The following RAB40C variants were observed in gnomAD, a reference collection of about 807,000 sequenced individuals.
The protein encoded by RAB40C is ras-related protein Rab-40C.
In RAB40C, 8 loss-of-function variants were observed where a neutral mutation model predicts 28.1. The observed-to-expected ratio is 0.28, with a 90% CI of 0.17 to 0.51. RAB40C has a LOEUF of 0.51. Among genes scored for constraint, RAB40C ranks in the 20% least tolerant of loss-of-function variants. The pLI is 0.97. For missense variants in RAB40C, 288 were observed against 405.9 expected (o/e 0.71, Z 2.50); for synonymous variants, 201 against 171.7 (o/e 1.17, Z -1.34).
At chr16:615,331 C>T (rs1365422879) in intron 1 of RAB40C, among the ~76,000 whole-genome samples, 2 of 152,220 alleles carry the variant, frequency 1.3e-5, no homozygotes, top group African/African-American at 2.4e-5. Flanking sequence ...GCATGGCTGG[C>T]TTGCAGGGCT....
chr16:619,519 T>C (rs1345854094), intron 3 of RAB40C, among the ~76,000 whole-genome samples: 1 of 152,194 alleles, frequency 6.6e-6, no homozygotes, highest in African/African-American at 2.4e-5. Context: ...GTGAAGCCCA[T>C]GTAAACAGAC....
intron 1 of RAB40C, among the ~76,000 whole-genome samples, chr16:600,510 T>C (rs2036227413): frequency 6.6e-6 from 1 of 152,214 alleles, no homozygotes; most frequent in Non-Finnish European, 1.5e-5. Context: ...CCCAGCACTT[T>C]GGGAGGCCGA....
At chr16:591,350 A>G (rs1288105004) in intron 1 of RAB40C, among the ~76,000 whole-genome samples, 1 of 151,478 alleles carries the variant, frequency 6.6e-6, no homozygotes, top group African/African-American at 2.4e-5. Flanking sequence ...GGAAGGTGTT[A>G]TAGATCTGGG....
intron 1 of RAB40C, among the ~76,000 whole-genome samples, chr16:596,896 C>T (rs1175111264): frequency 6.6e-6 from 1 of 152,162 alleles, no homozygotes; most frequent in Non-Finnish European, 1.5e-5. Context: ...CTGGGGATGG[C>T]GGCGCACTCT....
intron 3 of RAB40C, among the ~76,000 whole-genome samples, chr16:619,754 G>C (rs1457517307): frequency 6.6e-6 from 1 of 152,214 alleles, no homozygotes; most frequent in Admixed American, 6.5e-5. Flanking sequence ...GCTCAGGTGG[G>C]TCCGCTCTGG....
chr16:605,013 A>T (rs540050983), intron 1 of RAB40C, among the ~76,000 whole-genome samples: 2 of 152,196 alleles, frequency 1.3e-5, no homozygotes, highest in Admixed American at 6.5e-5. Flanking sequence ...AGCTGAGATC[A>T]TGCCACTGCA....
At chr16:602,268 GT>G (rs1438006292) in intron 1 of RAB40C, among the ~76,000 whole-genome samples, 57 of 136,510 alleles carry the variant, frequency 4.2e-4, no homozygotes, top group Admixed American at 2.1e-3. Context: ...TTTTGGTTTT[GT>G]TTTTTTTTAT....
At position 628,344 on chromosome 16, in the gene RAB40C, G is replaced by C. The variant is rs2036885025; in HGVS notation, c.*722G>C. On this transcript the variant is annotated 3_prime_UTR_variant, in exon 6 of 6. Coordinates refer to ENST00000248139, the MANE Select transcript of RAB40C (RefSeq NM_021168.5). ...CCTGCTGTGATGTGACACCTTCGGG[G>C]ACATTGACCACTCAAAACTCAGATC... The C allele has an allele frequency of 6.6e-6, 1 of 152,300 alleles. No homozygotes were observed. Among genetic ancestry groups the C allele is most frequent in the Non-Finnish European group, 1.5e-5 (1 of 68,082 alleles). 9.4% of individuals were successfully genotyped at this position (152,300 alleles called of 1,614,324 possible). A position where few individuals can be genotyped will look rare whatever the true frequency, so the allele number is the denominator to read the frequency against.
At chr16:591,163 G>T (rs570968021) in intron 1 of RAB40C, among the ~76,000 whole-genome samples, 2 of 147,382 alleles carry the variant, frequency 1.4e-5, no homozygotes, top group Non-Finnish European at 3.0e-5. Flanking sequence ...CATGGGTCTG[G>T]GATCTCAGGG....
At chr16:595,327 C>T (rs1047604267) in intron 1 of RAB40C, among the ~76,000 whole-genome samples, 2 of 152,168 alleles carry the variant, frequency 1.3e-5, no homozygotes, top group Non-Finnish European at 2.9e-5. Context: ...GCTCAGGAGG[C>T]GGCAGCTGTA....
chr16:593,135 G>T (rs888898360), intron 1 of RAB40C, among the ~76,000 whole-genome samples: 40 of 152,340 alleles, frequency 2.6e-4, no homozygotes, highest in Admixed American at 8.5e-4. Context: ...TGTGTCTAAG[G>T]TCTCAAGGTT....
chr16:608,731 G>A (rs1377125377), intron 1 of RAB40C, among the ~76,000 whole-genome samples: 1 of 152,174 alleles, frequency 6.6e-6, no homozygotes, highest in Non-Finnish European at 1.5e-5. Context: ...AAATTAGCTG[G>A]GCATGGTGGC....
At position 627,633 on chromosome 16, in the gene RAB40C, C is replaced by T. The variant is rs755167831; in HGVS notation, c.*11C>T. ...TGCAAGATCTCCTAGCGGGGATGGG[C>T]GGGGCCGCCTGTGCAGATGCCAGGA... On this transcript the variant is annotated 3_prime_UTR_variant, in exon 6 of 6. Coordinates refer to ENST00000248139, the MANE Select transcript of RAB40C (RefSeq NM_021168.5). The T allele has an allele frequency of 2.0e-5, 31 of 1,561,216 alleles. No homozygotes were observed. Among genetic ancestry groups the T allele is most frequent in the African/African-American group, 1.8e-4 (13 of 73,938 alleles).
chr16:619,140 T>C (rs1324107427), intron 3 of RAB40C, among the ~76,000 whole-genome samples: 9 of 147,984 alleles, frequency 6.1e-5, no homozygotes, highest in Admixed American at 2.7e-4. Flanking sequence ...GTGCAGTGTG[T>C]GCTCAGGTGT....
chr16:620,298 C>T (rs948292343), intron 3 of RAB40C, among the ~76,000 whole-genome samples: 3 of 151,892 alleles, frequency 2.0e-5, no homozygotes, highest in Admixed American at 6.6e-5. Context: ...GAGGCTGAGG[C>T]AGGAGAATCG....
intron 1 of RAB40C, among the ~76,000 whole-genome samples, chr16:611,270 A>C (rs1247831293): frequency 6.6e-6 from 1 of 152,152 alleles, no homozygotes; most frequent in Non-Finnish European, 1.5e-5. Context: ...CCATGGCGCC[A>C]TCTAGGGGTG....
intron 1 of RAB40C, among the ~76,000 whole-genome samples, chr16:607,686 G>A (rs2036391211): frequency 6.6e-6 from 1 of 152,298 alleles, no homozygotes; most frequent in South Asian, 2.1e-4. Flanking sequence ...AGCTACTCGG[G>A]AGGCTGAGGC....
chr16:599,697 C>A, intron 1 of RAB40C, among the ~76,000 whole-genome samples: 1 of 135,384 alleles, frequency 7.4e-6, no homozygotes, highest in Admixed American at 8.0e-5. Context: ...CGTGGATTCG[C>A]AAGGTTTTGT....
intron 2 of RAB40C, 139 bp downstream of exon 2, chr16:617,407 T>C (rs1048538556): frequency 1.0e-5 from 10 of 1,003,192 alleles, no homozygotes; most frequent in African/African-American, 8.0e-5. Flanking sequence ...TGTTTAAACA[T>C]AGAATGGATT....
Sources: gnomAD v4.1 joint callset for allele counts (sites outside exome capture counted in the v4.1 genomes callset) on GRCh38, gnomAD v4.1.1 for gene constraint, MANE v1.5 for transcripts, NCBI Gene and HGNC (gene_info 2026-07-23, HGNC 2026-07-21) for gene names.